FHIT: variants seen among roughly 807,000 people sequenced by gnomAD.
FHIT encodes the protein bis(5'-adenosyl)-triphosphatase.
Under a neutral mutation model 17.9 loss-of-function variants are expected in FHIT, and 19 were observed. The observed-to-expected ratio is 1.06, with a 90% CI of 0.74 to 1.56. The LOEUF (loss-of-function observed/expected upper bound fraction) is 1.56. Among genes scored for constraint, FHIT ranks in the 40% most tolerant of loss-of-function variants. FHIT has a pLI of 0.00. For missense variants in FHIT, 248 were observed against 189.2 expected (o/e 1.31, Z -1.82); for synonymous variants, 81 against 69.7 (o/e 1.16, Z -0.81).
intron 4 of FHIT, among the ~76,000 whole-genome samples, chr3:60,814,870 GGT>G (rs1701683080): frequency 7.1e-6 from 1 of 141,290 alleles, no homozygotes; most frequent in African/African-American, 2.6e-5. Context: ...ACCAACATGT[GGT>G]TTTTTTTTGT....
intron 8 of FHIT, among the ~76,000 whole-genome samples, chr3:59,872,040 A>T (rs1702949519): frequency 6.6e-6 from 1 of 152,230 alleles, no homozygotes; most frequent in African/African-American, 2.4e-5. Flanking sequence ...TCTCCAGATT[A>T]TACTAATCAA....
intron 5 of FHIT, among the ~76,000 whole-genome samples, chr3:60,438,154 C>G (rs982854517): frequency 1.3e-5 from 2 of 152,090 alleles, no homozygotes; most frequent in African/African-American, 4.8e-5. Flanking sequence ...GTCCAGCTCA[C>G]TCAAGCAAAG....
chr3:60,527,430 G>A (rs537482888), intron 5 of FHIT, among the ~76,000 whole-genome samples: 1 of 152,296 alleles, frequency 6.6e-6, no homozygotes, highest in South Asian at 2.1e-4. Flanking sequence ...AAGATAAAAA[G>A]AAGTTCTTGA....
intron 5 of FHIT, among the ~76,000 whole-genome samples, chr3:60,041,593 A>G (rs977747368): frequency 6.6e-6 from 1 of 152,186 alleles, no homozygotes; most frequent in African/African-American, 2.4e-5. Context: ...CGGCATCTCA[A>G]TTAGTCTATG....
intron 5 of FHIT, among the ~76,000 whole-genome samples, chr3:60,219,825 G>A (rs1576326494): frequency 6.6e-6 from 1 of 152,162 alleles, no homozygotes; most frequent in South Asian, 2.1e-4. Context: ...CTAAATGTGT[G>A]GTTATAATTG....
chr3:60,130,884 T>C (rs894465574), intron 5 of FHIT, among the ~76,000 whole-genome samples: 3 of 101,964 alleles, frequency 2.9e-5, no homozygotes, highest in Non-Finnish European at 6.2e-5. Flanking sequence ...TATACATGTA[T>C]ATACACACAT....
At chr3:61,148,152 C>T (rs1047514613) in intron 2 of FHIT, among the ~76,000 whole-genome samples, 5 of 151,130 alleles carry the variant, frequency 3.3e-5, no homozygotes, top group Admixed American at 1.3e-4. Context: ...TATTAATGTT[C>T]GAAACAAACA....
chr3:60,222,333 C>T (rs1337342026), intron 5 of FHIT, among the ~76,000 whole-genome samples: 2 of 152,314 alleles, frequency 1.3e-5, no homozygotes, highest in East Asian at 3.9e-4. Flanking sequence ...CCCTCCCCTC[C>T]CTGTTCTTCA....
chr3:59,779,766 G>C (rs1471885529), intron 8 of FHIT, among the ~76,000 whole-genome samples: 1 of 152,152 alleles, frequency 6.6e-6, no homozygotes, highest in Non-Finnish European at 1.5e-5. Context: ...ATTTTGACTT[G>C]AAATGCAGTA....
rs78771259 is a variant in FHIT at position 60,830,929 on chromosome 3, G to A, written c.-110-8918C>T. Reference sequence around the variant, plus strand: ...AGAATTTCTGAATTAATCTCCAATCGTGAACTGTGTCTAGGTGTGATATAA... The same window carrying A: ...AGAATTTCTGAATTAATCTCCAATCATGAACTGTGTCTAGGTGTGATATAA... On this transcript the variant is annotated intron_variant, in intron 3 of 9. Coordinates refer to ENST00000492590, the MANE Select transcript of FHIT (RefSeq NM_002012.4). Among the ~76,000 whole-genome samples, 485 of 152,204 alleles carry A rather than the reference G, an allele frequency of 3.2e-3. 2 individuals carry two copies. The highest frequency in any genetic ancestry group is 0.011 in the African/African-American group (458 of 41,544).
intron 5 of FHIT, among the ~76,000 whole-genome samples, chr3:60,422,148 T>C (rs1702498301): frequency 6.6e-6 from 1 of 152,164 alleles, no homozygotes; most frequent in Non-Finnish European, 1.5e-5. Context: ...GCAGCAGATT[T>C]TTTGAGTGCC....
At position 61,177,413 on chromosome 3, in the gene FHIT, T is replaced by C. The variant is rs527639507; in HGVS notation, c.-164+23204A>G. ...CTCCACTGCGCAAGTTTTCAATCTATAAAAAAACTCCTGATCTTTAAAAAT... is the reference window on the plus strand; with the variant it reads ...CTCCACTGCGCAAGTTTTCAATCTACAAAAAAACTCCTGATCTTTAAAAAT... On this transcript the variant is annotated intron_variant, in intron 2 of 9. Coordinates refer to ENST00000492590, the MANE Select transcript of FHIT (RefSeq NM_002012.4). 7.9e-5 allele frequency among the ~76,000 whole-genome samples: 12 copies of C among 152,132 alleles called. No homozygotes were observed. In the East Asian group the frequency reaches 2.3e-3, roughly 29 times the overall value.
intron 5 of FHIT, among the ~76,000 whole-genome samples, chr3:60,059,531 T>C (rs2106919618): frequency 6.6e-6 from 1 of 152,286 alleles, no homozygotes; most frequent in South Asian, 2.1e-4. Flanking sequence ...CTCTTCCAGA[T>C]ATACTTTCCT....
chr3:60,746,169 A>G (rs2042352085), intron 4 of FHIT, among the ~76,000 whole-genome samples: 1 of 152,232 alleles, frequency 6.6e-6, no homozygotes, highest in South Asian at 2.1e-4. Context: ...AATCTTTGTT[A>G]TCGCTTGAAG....
intron 3 of FHIT, among the ~76,000 whole-genome samples, chr3:60,914,894 G>T (rs898305585): frequency 1.1e-4 from 17 of 152,126 alleles, no homozygotes; most frequent in Non-Finnish European, 2.2e-4. Context: ...AACACTTTTG[G>T]TATTGTTAAG....
At chr3:60,133,474 A>T (rs1699683481) in intron 5 of FHIT, among the ~76,000 whole-genome samples, 1 of 152,162 alleles carries the variant, frequency 6.6e-6, no homozygotes, top group Non-Finnish European at 1.5e-5. Context: ...AGAGATCTGC[A>T]AAGGGTATGG....
chr3:61,209,464 T>C (rs1438861960), intron 1 of FHIT, among the ~76,000 whole-genome samples: 3 of 152,244 alleles, frequency 2.0e-5, no homozygotes, highest in East Asian at 1.9e-4. Context: ...CAATCAGACA[T>C]AGATTTGGTC....
At chr3:60,335,513 T>C (rs1254179520) in intron 5 of FHIT, among the ~76,000 whole-genome samples, 4 of 152,120 alleles carry the variant, frequency 2.6e-5, no homozygotes, top group Non-Finnish European at 5.9e-5. Flanking sequence ...GATTCAAACA[T>C]ACAGATTCAA....
At chr3:60,243,007 G>A (rs956213915) in intron 5 of FHIT, among the ~76,000 whole-genome samples, 5 of 151,344 alleles carry the variant, frequency 3.3e-5, no homozygotes, top group Admixed American at 2.0e-4. Flanking sequence ...GAACCACAAT[G>A]GCCTTGAATC....
Sources: allele counts gnomAD v4.1 joint callset (sites outside exome capture counted in the v4.1 genomes callset), GRCh38; gene constraint gnomAD v4.1.1; transcripts MANE v1.5; gene names NCBI Gene and HGNC (gene_info 2026-07-23, HGNC 2026-07-21).